Variants in IL1RAPL1 observed in about 807,000 individuals in gnomAD.
IL1RAPL1 encodes interleukin-1 receptor accessory protein-like 1.
In IL1RAPL1, 3 loss-of-function variants were observed where a neutral mutation model predicts 48.4. The observed-to-expected ratio is 0.06, with a 90% CI of 0.03 to 0.16. The LOEUF is 0.16. IL1RAPL1 is among the 10% of genes least tolerant of loss of function. The pLI, the probability that IL1RAPL1 is intolerant of heterozygous loss-of-function variation, is 1.00. For synonymous variants in IL1RAPL1, 185 were observed against 187.7 expected, an observed-to-expected ratio of 0.99 and a Z score of 0.12; for missense variants, 349 against 530.6, an observed-to-expected ratio of 0.66 and a Z score of 3.36.
intron 6 of IL1RAPL1, among the ~76,000 whole-genome samples, chrX:29,856,868 A>G (rs757464078): frequency 8.9e-6 from 1 of 112,154 alleles, no homozygotes; most frequent in Admixed American, 9.5e-5. Context: ...ATTAGTCTGT[A>G]TAATTCTTCT....
chrX:29,954,308 T>A (rs1282587734), intron 9 of IL1RAPL1, among the ~76,000 whole-genome samples: 1 of 108,157 alleles, frequency 9.2e-6, no homozygotes, highest in Non-Finnish European at 1.9e-5. Flanking sequence ...TTTCTCCTAC[T>A]TTTTTCACAA....
intron 5 of IL1RAPL1, among the ~76,000 whole-genome samples, chrX:29,469,076 G>A (rs1336065925): frequency 8.9e-6 from 1 of 112,032 alleles, no homozygotes; most frequent in African/African-American, 3.2e-5. Flanking sequence ...GTCATGCCCT[G>A]TGGTGGGAGC....
At chrX:28,721,934 G>T (rs1302793744) in intron 1 of IL1RAPL1, among the ~76,000 whole-genome samples, 3 of 111,376 alleles carry the variant, frequency 2.7e-5, no homozygotes, top group Non-Finnish European at 5.7e-5. Context: ...TGAGGGCTCT[G>T]TTCTGTTCCA....
chrX:29,569,735 C>T (rs747081923), intron 5 of IL1RAPL1, among the ~76,000 whole-genome samples: 7 of 111,097 alleles, frequency 6.3e-5, no homozygotes, highest in Non-Finnish European at 1.1e-4. Flanking sequence ...CTTATGGTCG[C>T]GTTAAAATGT....
intron 2 of IL1RAPL1, among the ~76,000 whole-genome samples, chrX:28,868,877 T>A (rs1922140503): frequency 8.9e-6 from 1 of 112,264 alleles, no homozygotes; most frequent in African/African-American, 3.2e-5. Flanking sequence ...ATTAAATTTC[T>A]TGTATTGATC....
intron 5 of IL1RAPL1, among the ~76,000 whole-genome samples, chrX:29,409,227 G>A (rs750483644): frequency 1.5e-4 from 17 of 111,888 alleles, no homozygotes; most frequent in Non-Finnish European, 2.6e-4. Flanking sequence ...TAACATTCCA[G>A]GATCCATACC....
intron 5 of IL1RAPL1, among the ~76,000 whole-genome samples, chrX:29,616,956 C>G (rs1021794724): frequency 1.8e-5 from 2 of 111,265 alleles, no homozygotes; most frequent in Non-Finnish European, 3.8e-5. Flanking sequence ...ATTTATTGAT[C>G]ATTTATACAG....
intron 1 of IL1RAPL1, among the ~76,000 whole-genome samples, chrX:28,626,980 A>T (rs891753291): frequency 1.8e-5 from 2 of 111,871 alleles, no homozygotes; most frequent in Non-Finnish European, 3.8e-5. Flanking sequence ...TTTGTAACTG[A>T]TGCTATACTC....
At chrX:29,951,917 A>G (rs1933327387) in intron 9 of IL1RAPL1, among the ~76,000 whole-genome samples, 2 of 111,456 alleles carry the variant, frequency 1.8e-5, no homozygotes, top group Admixed American at 9.6e-5. Context: ...ATGGAAGTTG[A>G]TGTTATGGAA....
chrX:29,892,656 C>T (rs1344379742), intron 6 of IL1RAPL1, among the ~76,000 whole-genome samples: 2 of 111,934 alleles, frequency 1.8e-5, no homozygotes, highest in Non-Finnish European at 3.8e-5. Flanking sequence ...AGTCTAAATT[C>T]CAAAATACTG....
intron 3 of IL1RAPL1, among the ~76,000 whole-genome samples, chrX:29,333,802 C>A (rs1932925759): frequency 1.3e-5 from 1 of 78,935 alleles, no homozygotes; most frequent in Non-Finnish European, 2.6e-5. Context: ...TGGCCGACCC[C>A]CCCCCCCGCC....
At chrX:28,730,425 C>T (rs1013500480) in intron 1 of IL1RAPL1, among the ~76,000 whole-genome samples, 4 of 110,737 alleles carry the variant, frequency 3.6e-5, no homozygotes, top group East Asian at 2.8e-4. Flanking sequence ...GGAACACTTC[C>T]GAAAAACGAC....
intron 1 of IL1RAPL1, among the ~76,000 whole-genome samples, chrX:28,692,070 CAG>C (rs1935184014): frequency 1.8e-5 from 2 of 110,909 alleles, no homozygotes; most frequent in South Asian, 3.8e-4. Flanking sequence ...AAGAGACAGA[CAG>C]GGGGAAGGAG....
chrX:29,227,372 T>C (rs1448508298), intron 2 of IL1RAPL1, among the ~76,000 whole-genome samples: 2 of 111,179 alleles, frequency 1.8e-5, no homozygotes, highest in African/African-American at 6.5e-5. Context: ...CAGCTTTTCA[T>C]GAATGAAGTT....
At chrX:29,843,140 G>A (rs113355415) in intron 6 of IL1RAPL1, among the ~76,000 whole-genome samples, 174 of 111,841 alleles carry the variant, frequency 1.6e-3, no homozygotes, top group African/African-American at 5.4e-3. Context: ...ATATTATGGC[G>A]TGTACTGAAT....
chrX:29,689,135 C>T (rs1186255935), intron 6 of IL1RAPL1, among the ~76,000 whole-genome samples: 1 of 111,854 alleles, frequency 8.9e-6, no homozygotes, highest in African/African-American at 3.3e-5. Context: ...ATTATATCTA[C>T]TAATGGAAAA....
At chrX:28,814,375 GTGTGTA>G (rs1197243596) in intron 2 of IL1RAPL1, among the ~76,000 whole-genome samples, 15 of 107,756 alleles carry the variant, frequency 1.4e-4, no homozygotes, top group Admixed American at 1.2e-3. Context: ...GTGTGTGTGT[GTGTGTA>G]TGTGTATGTG....
chrX:28,857,217 A>C (rs1921826380), intron 2 of IL1RAPL1, among the ~76,000 whole-genome samples: 1 of 112,223 alleles, frequency 8.9e-6, no homozygotes, highest in South Asian at 3.6e-4. Flanking sequence ...ATGTTGGTTC[A>C]TGAGGTTTAA....
chrX:29,165,278 C>T (rs763199498), intron 2 of IL1RAPL1, among the ~76,000 whole-genome samples: 1 of 111,614 alleles, frequency 9.0e-6, no homozygotes, highest in African/African-American at 3.3e-5. Flanking sequence ...GAGATCGCGC[C>T]ATTACACTCC....
Sources: gnomAD v4.1 joint callset for allele counts (sites outside exome capture counted in the v4.1 genomes callset) on GRCh38, gnomAD v4.1.1 for gene constraint, MANE v1.5 for transcripts, NCBI Gene and HGNC (gene_info 2026-07-23, HGNC 2026-07-21) for gene names.